PAPPA2: variants seen among roughly 807,000 people sequenced by gnomAD.
PAPPA2 encodes the protein pappalysin 2, also known as pappalysin-2.
Under a neutral mutation model 176.4 loss-of-function variants are expected in PAPPA2, and 86 were observed. The observed-to-expected ratio is 0.49, with a 90% confidence interval of 0.41 to 0.58. PAPPA2 has a LOEUF of 0.58. Among genes scored for constraint, PAPPA2 ranks in the 20% least tolerant of loss-of-function variants. PAPPA2 has a pLI of 0.00. For synonymous variants in PAPPA2, 809 were observed against 852.2 expected, an observed-to-expected ratio of 0.95 and a Z score of 0.88; for missense variants, 2,073 against 2,256.9, an observed-to-expected ratio of 0.92 and a Z score of 1.65.
At chr1:176,769,205 C>T (rs538232339) in intron 15 of PAPPA2, among the ~76,000 whole-genome samples, 9 of 152,294 alleles carry the variant, frequency 5.9e-5, no homozygotes, top group Non-Finnish European at 1.2e-4. Context: ...CCCTCTTCTC[C>T]TCTCCCTCTC....
intron 7 of PAPPA2, among the ~76,000 whole-genome samples, 182 bp downstream of exon 7, chr1:176,696,041 G>A (rs993377626): frequency 2.0e-5 from 3 of 150,734 alleles, no homozygotes; most frequent in South Asian, 2.1e-4. Context: ...GCCTGGTGCC[G>A]CTGTGTGCAG....
intron 21 of PAPPA2, among the ~76,000 whole-genome samples, chr1:176,830,053 T>G (rs12132522): frequency 0.059 from 8,990 of 152,210 alleles, 348 homozygotes; most frequent in Non-Finnish European, 0.086. Context: ...TGAAAACAAA[T>G]ACCTGGGAGG....
chr1:176,610,853 TA>T (rs1262968351), intron 3 of PAPPA2, among the ~76,000 whole-genome samples: 1 of 152,194 alleles, frequency 6.6e-6, no homozygotes, highest in Non-Finnish European at 1.5e-5. Context: ...CAGTTTATAA[TA>T]AACATTTATT....
rs763380833 is a variant in PAPPA2, at chr1:176,844,035, C to T, written c.*1581C>T. 7 of 152,022 alleles carry T rather than the reference C, an allele frequency of 4.6e-5. No individual in the cohort carries two copies. The highest frequency in any genetic ancestry group is 8.8e-5 in the Non-Finnish European group (6 of 67,984). 9.4% of individuals were successfully genotyped at this position (152,022 alleles called of 1,614,324 possible). A position where few individuals can be genotyped will look rare whatever the true frequency, so the allele number is the denominator to read the frequency against. On this transcript the variant is annotated 3_prime_UTR_variant, in exon 23 of 23. Transcript: ENST00000367662. ...TATTAAGCCTCTCTCTATTTACATC[C>T]CAGGCTCACTGGGATGTGATCTACT...
chr1:176,603,719 A>T (rs969114606), intron 3 of PAPPA2, among the ~76,000 whole-genome samples: 1 of 151,988 alleles, frequency 6.6e-6, no homozygotes, highest in Non-Finnish European at 1.5e-5. Flanking sequence ...ATCACTTCTC[A>T]TCCCCCTATA....
At chr1:176,634,970 G>A (rs898149798) in intron 3 of PAPPA2, among the ~76,000 whole-genome samples, 15 of 69,424 alleles carry the variant, frequency 2.2e-4, no homozygotes, top group Non-Finnish European at 3.2e-4. Context: ...TAGATAAATA[G>A]ATAGATAGAT....
chr1:176,673,433 C>T (rs1360461679), intron 4 of PAPPA2, among the ~76,000 whole-genome samples: 2 of 152,130 alleles, frequency 1.3e-5, no homozygotes, highest in African/African-American at 4.8e-5. Flanking sequence ...TTGATGCACA[C>T]TCCCATCACC....
At chr1:176,520,741 G>A (rs1291883131) in intron 1 of PAPPA2, among the ~76,000 whole-genome samples, 1 of 152,126 alleles carries the variant, frequency 6.6e-6, no homozygotes, top group East Asian at 1.9e-4. Context: ...GCTTGGTGGG[G>A]AAAGACTGAT....
chr1:176,682,246 T>TA (rs1371237768), intron 4 of PAPPA2, among the ~76,000 whole-genome samples: 2 of 151,996 alleles, frequency 1.3e-5, no homozygotes, highest in Non-Finnish European at 2.9e-5. Context: ...GTGGGACAGG[T>TA]AGAGGAACCC....
chr1:176,486,808 C>G (rs1282050497), intron 1 of PAPPA2, among the ~76,000 whole-genome samples: 1 of 152,114 alleles, frequency 6.6e-6, no homozygotes, highest in Non-Finnish European at 1.5e-5. Flanking sequence ...AAAAAAAGCA[C>G]ACTTGAAGTT....
intron 20 of PAPPA2, among the ~76,000 whole-genome samples, chr1:176,795,972 A>G (rs371876346): frequency 2.0e-5 from 3 of 152,254 alleles, no homozygotes; most frequent in East Asian, 1.9e-4. Flanking sequence ...TTTAAAGAGA[A>G]GGGAGAAGGA....
Position 176,699,386 on chromosome 1 carries a change from G to A in PAPPA2, c.3033G>A (p.Leu1011=). The A allele has an allele frequency of 6.2e-7, 1 of 1,614,158 alleles. No individual in the cohort carries two copies. The highest frequency in any genetic ancestry group is 2.2e-5 in the East Asian group (1 of 44,880). The part of the protein sequence containing the change: ...TFCDIPLTIK[L]HVDGKVSGVK... ...GTGACATCCCACTCACCATCAAACT[G>A]CACGTGGATGGGAAGGTGTCGGGGG... Residue 1011 remains leucine (L), a synonymous_variant, in exon 8 of 23, where the codon CTG becomes CTA. Coordinates refer to ENST00000367662, the MANE Select transcript of PAPPA2 (RefSeq NM_020318.3).
intron 1 of PAPPA2, among the ~76,000 whole-genome samples, chr1:176,543,310 A>G (rs1296692115): frequency 6.6e-6 from 1 of 151,838 alleles, no homozygotes; most frequent in Non-Finnish European, 1.5e-5. Context: ...GAACCAGCCC[A>G]CTCTCACCTC....
At position 176,692,321 on chromosome 1, in the gene PAPPA2, G is replaced by A; in HGVS notation, c.2624+3G>A. The A allele has an allele frequency of 6.2e-7, 1 of 1,601,628 alleles. No individual in the cohort carries two copies. Among genetic ancestry groups the A allele is most frequent in the Non-Finnish European group, 8.5e-7 (1 of 1,170,402 alleles). On this transcript the variant is annotated splice_donor_region_variant and intron_variant, in intron 6 of 22. Coordinates refer to ENST00000367662, the MANE Select transcript of PAPPA2 (RefSeq NM_020318.3). ...ATTAGTGGAGTTGTATATGACAGGT[G>A]AGAGAGGCACTGGCTGTGGGTGAGC...
At chr1:176,782,717 AG>A (rs1664773014) in intron 17 of PAPPA2, among the ~76,000 whole-genome samples, 1 of 152,182 alleles carries the variant, frequency 6.6e-6, no homozygotes, top group Non-Finnish European at 1.5e-5. Flanking sequence ...CGTAGGCTAA[AG>A]AAAGAAGTTT....
At chr1:176,498,136 G>T (rs1290345325) in intron 1 of PAPPA2, among the ~76,000 whole-genome samples, 1 of 152,136 alleles carries the variant, frequency 6.6e-6, no homozygotes, top group Admixed American at 6.5e-5. Context: ...CAACTCTAAA[G>T]TTACCGTTTT....
intron 21 of PAPPA2, among the ~76,000 whole-genome samples, chr1:176,805,600 T>G (rs184169590): frequency 7.9e-5 from 12 of 152,252 alleles, no homozygotes; most frequent in Admixed American, 5.9e-4. Context: ...GTTTTATGAA[T>G]TGTCAAATAA....
intron 15 of PAPPA2, among the ~76,000 whole-genome samples, chr1:176,767,174 A>G (rs1160440520): frequency 1.3e-5 from 2 of 152,244 alleles, no homozygotes; most frequent in Non-Finnish European, 2.9e-5. Context: ...AGAAATAAAA[A>G]GAATGGAAAA....
intron 4 of PAPPA2, among the ~76,000 whole-genome samples, chr1:176,679,240 C>G (rs555104635): frequency 6.6e-6 from 1 of 152,110 alleles, no homozygotes; most frequent in East Asian, 1.9e-4. Flanking sequence ...TCTATGGTCA[C>G]GTAGACTAAT....
Sources: gnomAD v4.1 joint callset for allele counts (sites outside exome capture counted in the v4.1 genomes callset) on GRCh38, gnomAD v4.1.1 for gene constraint, MANE v1.5 for transcripts, NCBI Gene and HGNC (gene_info 2026-07-23, HGNC 2026-07-21) for gene names.